Variants in AGTPBP1 observed in about 807,000 individuals in gnomAD.
AGTPBP1 encodes the protein ATP/GTP binding carboxypeptidase 1.
AGTPBP1 carries 70 observed loss-of-function variants against 143.9 expected under a neutral mutation model. That is an observed-to-expected ratio of 0.49 (90% CI 0.40 to 0.59). The LOEUF (loss-of-function observed/expected upper bound fraction) is 0.59, where lower values mean the gene tolerates loss of function less well. Among genes scored for constraint, AGTPBP1 ranks in the 20% least tolerant of loss-of-function variants. The pLI, the probability that AGTPBP1 is intolerant of heterozygous loss-of-function variation, is 0.00. For synonymous variants in AGTPBP1, 463 were observed against 500.2 expected, an observed-to-expected ratio of 0.93 and a Z score of 0.99; for missense variants, 1,229 against 1,464.5, an observed-to-expected ratio of 0.84 and a Z score of 2.62.
chr9:85,564,557 T>G (rs570775551), intron 25 of AGTPBP1, among the ~76,000 whole-genome samples: 1 of 152,360 alleles, frequency 6.6e-6, no homozygotes, highest in South Asian at 2.1e-4. Context: ...ACTGTGCTTT[T>G]TCTATATTCA....
At chr9:85,733,943 T>C (rs940421153) in intron 1 of AGTPBP1, among the ~76,000 whole-genome samples, 3 of 152,166 alleles carry the variant, frequency 2.0e-5, no homozygotes, top group African/African-American at 7.2e-5. Flanking sequence ...ATTGAGGAGA[T>C]GTAATCAGTA....
intron 24 of AGTPBP1, among the ~76,000 whole-genome samples, chr9:85,578,389 C>G (rs1055860969): frequency 2.0e-5 from 3 of 152,136 alleles, no homozygotes; most frequent in Non-Finnish European, 2.9e-5. Flanking sequence ...GGCAGGAGGA[C>G]TGCTTGAGGC....
At chr9:85,627,542 A>G (rs1425257711) in intron 14 of AGTPBP1, among the ~76,000 whole-genome samples, 5 of 152,204 alleles carry the variant, frequency 3.3e-5, no homozygotes, top group South Asian at 2.1e-4. Context: ...GCACCTGTGA[A>G]GATCCACACT....
At chr9:85,556,351 T>C (rs1162065718) in intron 25 of AGTPBP1, among the ~76,000 whole-genome samples, 1 of 151,830 alleles carries the variant, frequency 6.6e-6, no homozygotes, top group African/African-American at 2.4e-5. Context: ...CAAAAGAGAA[T>C]GGAACAAGCT....
intron 2 of AGTPBP1, among the ~76,000 whole-genome samples, chr9:85,700,280 T>C (rs761318493): frequency 4.6e-5 from 7 of 152,146 alleles, no homozygotes; most frequent in Non-Finnish European, 7.3e-5. Flanking sequence ...GAAAGTGTAA[T>C]TCCTGCTCAC....
chr9:85,613,059 G>C (rs528842484), intron 17 of AGTPBP1, among the ~76,000 whole-genome samples: 29 of 152,130 alleles, frequency 1.9e-4, no homozygotes, highest in Non-Finnish European at 3.8e-4. Context: ...TTGAAAGAAT[G>C]AGAAAAGTCT....
At chr9:85,767,254 G>A in the AGTPBP1 span, among the ~76,000 whole-genome samples, 2 of 139,528 alleles carry the variant, frequency 1.4e-5, no homozygotes, top group Admixed American at 7.7e-5. Context: ...GTGCGATCTC[G>A]GCTCACTGCC....
chr9:85,690,013 T>C (rs75108721), intron 3 of AGTPBP1, among the ~76,000 whole-genome samples: 2,479 of 148,920 alleles, frequency 0.017, 25 homozygotes, highest in Middle Eastern at 0.056. Context: ...TTAGTACACA[T>C]TGCCAGATTA....
chr9:85,575,358 C>T lies in AGTPBP1; in HGVS notation c.3460G>A (p.Asp1154Asn). Reference protein sequence around the residue: ...LEYNLPSSLLDFENDLIESSC... With the variant: ...LEYNLPSSLLNFENDLIESSC... Reference sequence around the variant, plus strand: ...GATTCAATTAAATCATTTTCAAAGTCAAGCAGGCTGGAAGGCAGATTATAC... The same window carrying T: ...GATTCAATTAAATCATTTTCAAAGTTAAGCAGGCTGGAAGGCAGATTATAC... The change falls in exon 25 of 26, where the codon GAC (aspartate) becomes AAC (asparagine). Residue 1154 changes from aspartate to asparagine, a missense_variant. By Grantham distance (23) the Asp-to-Asn change is conservative (BLOSUM62 1). Around this residue, in one of 2 missense-constraint regions of AGTPBP1, gnomAD observed 486 missense variants for 652.3 expected, o/e 0.75. Transcript: ENST00000357081. The T allele has an allele frequency of 6.2e-7, 1 of 1,601,810 alleles. No homozygotes were observed. The highest frequency in any genetic ancestry group is 8.5e-7 in the Non-Finnish European group (1 of 1,176,628).
At chr9:85,727,151 AC>A (rs1431349454) in intron 1 of AGTPBP1, among the ~76,000 whole-genome samples, 3 of 151,928 alleles carry the variant, frequency 2.0e-5, no homozygotes, top group African/African-American at 4.8e-5. Context: ...ATATGGTGAA[AC>A]CCCGTCTCTA....
At chr9:85,616,156 T>A (rs1415606649) in intron 17 of AGTPBP1, among the ~76,000 whole-genome samples, 1 of 151,998 alleles carries the variant, frequency 6.6e-6, no homozygotes, top group African/African-American at 2.4e-5. Flanking sequence ...TATCTCTGGA[T>A]GATGCATTGT....
At chr9:85,676,757 T>C (rs1177466281) in intron 6 of AGTPBP1, among the ~76,000 whole-genome samples, 1 of 152,218 alleles carries the variant, frequency 6.6e-6, no homozygotes, top group African/African-American at 2.4e-5. Flanking sequence ...TGCTGCACTA[T>C]TCACAAAAGC....
intron 19 of AGTPBP1, among the ~76,000 whole-genome samples, 153 bp downstream of exon 19, chr9:85,592,407 C>G (rs1457965070): frequency 6.6e-6 from 1 of 151,976 alleles, no homozygotes; most frequent in Non-Finnish European, 1.5e-5. Flanking sequence ...GAATATTTAA[C>G]TAAACTCAAT....
intron 1 of AGTPBP1, among the ~76,000 whole-genome samples, chr9:85,718,880 T>C (rs914935105): frequency 3.0e-4 from 46 of 152,224 alleles, no homozygotes; most frequent in African/African-American, 1.0e-3. Flanking sequence ...TTCAGCTTTC[T>C]ACATATGGCT....
chr9:85,575,270 A>AT, intron 25 of AGTPBP1, 45 bp downstream of exon 25: 1 of 1,453,516 alleles, frequency 6.9e-7, no homozygotes, highest in Non-Finnish European at 9.2e-7. Context: ...ATGAAGTCTA[A>AT]TAATATACTA....
intron 17 of AGTPBP1, among the ~76,000 whole-genome samples, chr9:85,598,978 T>C (rs1829476671): frequency 6.6e-6 from 1 of 152,214 alleles, no homozygotes; most frequent in Non-Finnish European, 1.5e-5. Flanking sequence ...CGCCTCGGCC[T>C]CCCAGAGTGC....
the AGTPBP1 span, among the ~76,000 whole-genome samples, chr9:85,784,784 G>T: frequency 6.6e-6 from 1 of 152,224 alleles, no homozygotes; most frequent in African/African-American, 2.4e-5. Flanking sequence ...ACCTGAACCA[G>T]AGTGAGCCGT....
rs1326331925 is a variant in AGTPBP1, at chr9:85,672,622, C to T, written c.496G>A (p.Val166Ile). Residue 166 changes from valine to isoleucine, a missense_variant, in exon 7 of 26, where the codon GTC becomes ATC. This residue lies in a region of AGTPBP1 where 743 missense variants were observed against 812.2 expected (regional missense o/e 0.91). Transcript: ENST00000357081. Reference sequence around the variant, plus strand: ...CGATGATTCTGCAAATTCTGCTTGACCAAATTCAGGGTTATATTCAGAGCC... The same window carrying T: ...CGATGATTCTGCAAATTCTGCTTGATCAAATTCAGGGTTATATTCAGAGCC... ...NGALNITLNL[V>I]KQNLQNHRLV... 1.2e-6 allele frequency: 2 copies of T among 1,613,258 alleles called. No individual in the cohort carries two copies. The highest frequency in any genetic ancestry group is 1.7e-6 in the Non-Finnish European group (2 of 1,179,844).
intron 3 of AGTPBP1, among the ~76,000 whole-genome samples, chr9:85,690,977 T>C (rs761924517): frequency 6.6e-6 from 1 of 152,206 alleles, no homozygotes; most frequent in Non-Finnish European, 1.5e-5. Flanking sequence ...GTAGGAGCAA[T>C]GGACAAAAGT....
Sources: gnomAD v4.1 joint callset for allele counts (sites outside exome capture counted in the v4.1 genomes callset) on GRCh38, gnomAD v4.1.1 for gene constraint, gnomAD v4.1.1 regional missense constraint, MANE v1.5 for transcripts, NCBI Gene and HGNC (gene_info 2026-07-23, HGNC 2026-07-21) for gene names.